THOC5: variants seen among roughly 807,000 people sequenced by gnomAD.
THOC5 encodes Fms-interacting protein.
THOC5 carries 43 observed loss-of-function variants against 92.9 expected under a neutral mutation model. The ratio of observed to expected loss-of-function variants is 0.46; its 90% CI spans 0.36 to 0.60. The LOEUF is 0.60. THOC5 is among the 20% of genes least tolerant of loss of function. THOC5 has a pLI of 0.00. For missense variants in THOC5, 659 were observed against 849.4 expected (o/e 0.78, Z 2.79); for synonymous variants, 296 against 320.1 (o/e 0.92, Z 0.80).
intron 3 of THOC5, 53 bp downstream of exon 3, chr22:29,544,407 G>A (rs552485491): frequency 5.0e-5 from 78 of 1,575,272 alleles, no homozygotes; most frequent in Non-Finnish European, 6.5e-5. Context: ...TGCAAAAACA[G>A]CCTCATCTAT....
At chr22:29,532,570 C>G (rs898125285) in intron 7 of THOC5, among the ~76,000 whole-genome samples, 7 of 152,168 alleles carry the variant, frequency 4.6e-5, no homozygotes, top group African/African-American at 1.7e-4. Context: ...GAGGCTGAGG[C>G]AGGAGCATCA....
At chr22:29,552,012 C>G (rs987789547) in intron 1 of THOC5, among the ~76,000 whole-genome samples, 45 of 152,326 alleles carry the variant, frequency 3.0e-4, no homozygotes, top group African/African-American at 9.9e-4. Context: ...GTCTCCAGCT[C>G]CTGACCGCGA....
At chr22:29,544,000 G>A (rs1269803781) in intron 3 of THOC5, among the ~76,000 whole-genome samples, 1 of 151,890 alleles carries the variant, frequency 6.6e-6, no homozygotes, top group Non-Finnish European at 1.5e-5. Flanking sequence ...ATTCCTGGGG[G>A]AAAAAATGGA....
At chr22:29,518,821 C>T (rs1300794800) in intron 15 of THOC5, among the ~76,000 whole-genome samples, 185 bp downstream of exon 15, 2 of 152,236 alleles carry the variant, frequency 1.3e-5, no homozygotes, top group East Asian at 1.9e-4. Context: ...AGGGGGAGCT[C>T]GGTCCTCTGC....
intron 12 of THOC5, among the ~76,000 whole-genome samples, chr22:29,525,410 C>T (rs1332856643): frequency 6.6e-6 from 1 of 152,200 alleles, no homozygotes; most frequent in Non-Finnish European, 1.5e-5. Flanking sequence ...TCCCACCACC[C>T]AGATAAGGAC....
rs16987752 is a variant in THOC5, at chr22:29,518,005, A to G, written c.1490-639T>C. 0.024 allele frequency among the ~76,000 whole-genome samples: 3,664 copies of G among 152,210 alleles called. 362 individuals carry two copies. The East Asian group carries it at 0.35, about 15-fold the overall frequency. On this transcript the variant is annotated intron_variant, in intron 15 of 19. Coordinates refer to ENST00000490103, the MANE Select transcript of THOC5 (RefSeq NM_003678.5). ...TCTCCAGATGTGTCCTGGAAACCCA[A>G]TGCCTTTCCTGACAGAGACTCTTTT...
At position 29,539,057 on chromosome 22, in the gene THOC5, C is replaced by A. The variant is rs575277773; in HGVS notation, c.599+273G>T. 8.8e-4 allele frequency among the ~76,000 whole-genome samples: 126 copies of A among 142,758 alleles called. 1 individual carries two copies. The highest frequency in any genetic ancestry group is 1.8e-3 in the South Asian group (8 of 4,504). 93.7% of individuals were successfully genotyped at this position (142,758 alleles called of 152,430 possible). On this transcript the variant is annotated intron_variant, in intron 6 of 19. Coordinates refer to ENST00000490103, the MANE Select transcript of THOC5 (RefSeq NM_003678.5). The stretch of plus-strand genomic sequence containing the variant: ...CCTGGGAGGCAGAGGTTGCAGTGAA[C>A]TGAGATCACACCACCGCACTCCAGC...
chr22:29,529,425 C>G (rs550395555), intron 8 of THOC5, among the ~76,000 whole-genome samples, 186 bp from the exon 9 acceptor site: 3 of 152,106 alleles, frequency 2.0e-5, no homozygotes, highest in Non-Finnish European at 4.4e-5. Context: ...CTTTTTTTTC[C>G]GTCATTTACT....
intron 3 of THOC5, among the ~76,000 whole-genome samples, 162 bp from the exon 4 acceptor site, chr22:29,543,704 A>C (rs902946855): frequency 6.6e-6 from 1 of 152,172 alleles, no homozygotes; most frequent in South Asian, 2.1e-4. Flanking sequence ...TGATTGTATA[A>C]GGAAAATGAT....
chr22:29,535,412 T>C (rs1220841162), intron 7 of THOC5: 1 of 152,030 alleles, frequency 6.6e-6, no homozygotes, highest in African/African-American at 2.4e-5. Flanking sequence ...TGGTCTGCTA[T>C]GAATATAGAC....
At position 29,511,159 on chromosome 22, in the gene THOC5, A is replaced by G. The variant is rs1041636756; in HGVS notation, c.1935T>C (p.Ser645=). 1.9e-6 allele frequency: 3 copies of G among 1,614,078 alleles called. No homozygotes were observed. Among genetic ancestry groups the G allele is most frequent in the Non-Finnish European group, 2.5e-6 (3 of 1,179,988 alleles). ...GGGGAAATTCCTTGGGCCCCTCCAC[A>G]CTGTCGTCATGGCTCTCGGTCTCCA... ...VYLETESHDD[S]VEGPKEFPQE... is the part of the protein sequence containing the mutation. The change falls in exon 19 of 20, where the codon AGT becomes AGC. Residue 645 remains serine, a synonymous_variant. Coordinates refer to ENST00000490103, the MANE Select transcript of THOC5 (RefSeq NM_003678.5).
In THOC5 at chr22:29,507,083, C is replaced by T. The variant is rs1378220557; in HGVS notation, c.*1374G>A. 6.6e-6 allele frequency: 1 copy of T among 152,308 alleles called. No homozygotes were observed. Among genetic ancestry groups the T allele is most frequent in the East Asian group, 1.9e-4 (1 of 5,186 alleles). 9.4% of individuals were successfully genotyped at this position (152,308 alleles called of 1,614,324 possible). Reference sequence around the variant, plus strand: ...AGGGTCTCTCACTACGTTGCCCAGGCTGGACCTGAACTCCTGGCCTCAAGG... The same window carrying T: ...AGGGTCTCTCACTACGTTGCCCAGGTTGGACCTGAACTCCTGGCCTCAAGG... On this transcript the variant is annotated 3_prime_UTR_variant, in exon 20 of 20. Coordinates refer to ENST00000490103, the MANE Select transcript of THOC5 (RefSeq NM_003678.5).
chr22:29,508,615 G>T, intron 19 of THOC5, 95 bp from the exon 20 acceptor site: 1 of 1,080,046 alleles, frequency 9.3e-7, no homozygotes. Context: ...AGAAGAGGCA[G>T]AGTTACATGA....
rs1216137337 is a variant in THOC5 at position 29,528,189 on chromosome 22, A to G, written c.967-12T>C. 7 of 1,614,114 alleles carry G rather than the reference A, an allele frequency of 4.3e-6. No homozygotes were observed. Among genetic ancestry groups the G allele is most frequent in the Non-Finnish European group, 5.9e-6 (7 of 1,180,014 alleles). On this transcript the variant is annotated splice_polypyrimidine_tract_variant and intron_variant, in intron 10 of 19. Transcript: ENST00000490103. ...GGTCTCCGGCGCTTCTGGACAAAGG[A>G]AAGTGCCAAGCTGATGAGCATCAGT...
chr22:29,519,892 C>T (rs1030361679), intron 14 of THOC5, 116 bp downstream of exon 14: 3 of 692,808 alleles, frequency 4.3e-6, no homozygotes, highest in Non-Finnish European at 6.7e-6. Context: ...CCTCAGCCTC[C>T]CAAAGTACAA....
chr22:29,508,353 G>T lies in THOC5; in HGVS notation c.*104C>A. 2 of 1,222,578 alleles carry T rather than the reference G, an allele frequency of 1.6e-6. No homozygotes were observed. Among genetic ancestry groups the T allele is most frequent in the Non-Finnish European group, 2.4e-6 (2 of 850,022 alleles). 75.7% of individuals were successfully genotyped at this position (1,222,578 alleles called of 1,614,324 possible). On this transcript the variant is annotated 3_prime_UTR_variant, in exon 20 of 20. Coordinates refer to ENST00000490103, the MANE Select transcript of THOC5 (RefSeq NM_003678.5). ...GTCAGGTGACGCTTTTTAATTGGCT[G>T]GTGTCTTTGGAGAATATCAAGAGTC... is the stretch of plus-strand genomic sequence containing the variant.
chr22:29,538,968 G>C (rs1279801610), intron 6 of THOC5, among the ~76,000 whole-genome samples: 1 of 151,552 alleles, frequency 6.6e-6, no homozygotes, highest in Non-Finnish European at 1.5e-5. Flanking sequence ...AATAATAGAT[G>C]GGCGTGGTGG....
chr22:29,516,253 G>C (rs373836080), intron 17 of THOC5, among the ~76,000 whole-genome samples: 29 of 152,110 alleles, frequency 1.9e-4, no homozygotes, highest in African/African-American at 6.5e-4. Context: ...GGGATAGGGA[G>C]GCCTCAACTG....
intron 12 of THOC5, among the ~76,000 whole-genome samples, chr22:29,523,242 A>AAAAT (rs528811341): frequency 6.3e-4 from 96 of 152,066 alleles, no homozygotes; most frequent in South Asian, 1.2e-3. Context: ...ACTCCTTCTC[A>AAAAT]AAATAAATAA....
Sources: allele counts gnomAD v4.1 joint callset (sites outside exome capture counted in the v4.1 genomes callset), GRCh38; gene constraint gnomAD v4.1.1; transcripts MANE v1.5; gene names NCBI Gene and HGNC (gene_info 2026-07-23, HGNC 2026-07-21).